Variants in EPHB1 observed in about 807,000 individuals in gnomAD.
EPHB1 encodes EPH receptor B1, also known as ephrin type-B receptor 1.
In EPHB1, 30 loss-of-function variants were observed where a neutral mutation model predicts 94.4. That is an observed-to-expected ratio of 0.32 (90% CI 0.24 to 0.43). The LOEUF is 0.43. Ranked by LOEUF, EPHB1 falls within the 20% of genes least tolerant of loss-of-function variation. EPHB1 has a pLI of 1.00. For missense variants in EPHB1, 1,055 were observed against 1,308.3 expected, an observed-to-expected ratio of 0.81 and a Z score of 2.99; for synonymous variants, 522 against 489.1, an observed-to-expected ratio of 1.07 and a Z score of -0.89.
At chr3:134,995,895 T>C (rs1367978240) in intron 3 of EPHB1, among the ~76,000 whole-genome samples, 1 of 152,234 alleles carries the variant, frequency 6.6e-6, no homozygotes, top group Admixed American at 6.5e-5. Flanking sequence ...CTATCTCCTA[T>C]AATACTGCTA....
intron 3 of EPHB1, among the ~76,000 whole-genome samples, chr3:135,016,811 C>T (rs1483267723): frequency 6.6e-6 from 1 of 152,180 alleles, no homozygotes; most frequent in Non-Finnish European, 1.5e-5. Flanking sequence ...GCATTGCTTC[C>T]ATCCCATCCA....
intron 1 of EPHB1, among the ~76,000 whole-genome samples, chr3:134,803,761 G>A (rs902676392): frequency 6.6e-5 from 10 of 152,152 alleles, no homozygotes; most frequent in Admixed American, 6.5e-4. Flanking sequence ...AAACTCCCTG[G>A]GCCTCTGTCT....
At position 134,928,939 on chromosome 3, in the gene EPHB1, G is replaced by T. The variant is rs147259100; in HGVS notation, c.123+3059G>T. On this transcript the variant is annotated intron_variant, in intron 2 of 15. Coordinates refer to ENST00000398015, the MANE Select transcript of EPHB1 (RefSeq NM_004441.5). ...ACAAAAGTGGCAAATGCTTCTGCGT[G>T]TTAAACATTTCCACTGGGTTTAGCT... Among the ~76,000 whole-genome samples the T allele has an allele frequency of 1.5e-3, 230 of 152,220 alleles. 2 individuals carry two copies. Among genetic ancestry groups the T allele is most frequent in the Admixed American group, 0.01 (159 of 15,290 alleles).
intron 6 of EPHB1, among the ~76,000 whole-genome samples, chr3:135,156,296 A>G (rs2107696000): frequency 6.6e-6 from 1 of 152,232 alleles, no homozygotes; most frequent in South Asian, 2.1e-4. Context: ...GTCAGTATGT[A>G]GATGATAAGA....
intron 3 of EPHB1, among the ~76,000 whole-genome samples, chr3:135,046,736 C>A (rs1937010707): frequency 6.6e-6 from 1 of 152,136 alleles, no homozygotes; most frequent in African/African-American, 2.4e-5. Context: ...TCTGATGTCC[C>A]CTAAAGTTTG....
At chr3:135,124,778 G>A (rs1940131654) in intron 4 of EPHB1, among the ~76,000 whole-genome samples, 1 of 151,586 alleles carries the variant, frequency 6.6e-6, no homozygotes, top group South Asian at 2.1e-4. Context: ...TGCTCACATG[G>A]CTGTTAGAAA....
chr3:134,924,469 A>T (rs1038369537), intron 1 of EPHB1, among the ~76,000 whole-genome samples: 1 of 152,252 alleles, frequency 6.6e-6, no homozygotes, highest in Non-Finnish European at 1.5e-5. Context: ...TGGATGACAA[A>T]TAAGTATGTG....
rs567341603 is a variant in EPHB1, at chr3:134,804,582, C to T, written c.58+8893C>T. The stretch of plus-strand genomic sequence containing the variant: ...GTGGGGGGGAGGAATCAGGGCACAG[C>T]GCAGGTCTTCTGGTACTCCCTTCAT... On this transcript the variant is annotated intron_variant, in intron 1 of 15. Transcript: ENST00000398015. Among the ~76,000 whole-genome samples, 11 of 152,178 alleles carry T rather than the reference C, an allele frequency of 7.2e-5. No homozygotes were observed. In the East Asian group the frequency reaches 9.7e-4, roughly 13 times the overall value.
At chr3:134,814,306 G>A (rs1163810704) in intron 1 of EPHB1, among the ~76,000 whole-genome samples, 1 of 152,164 alleles carries the variant, frequency 6.6e-6, no homozygotes, top group Non-Finnish European at 1.5e-5. Flanking sequence ...GGATAAGCTG[G>A]GCCTTGAACA....
At position 134,795,453 on chromosome 3, in the gene EPHB1, C is replaced by T; in HGVS notation, c.-179C>T. 3 of 593,248 alleles carry T rather than the reference C, an allele frequency of 5.1e-6. No individual in the cohort carries two copies. In the South Asian group the frequency reaches 6.3e-5, roughly 12 times the overall value. The allele number at this position is 593,248 out of a possible 1,614,324, so 36.7% of individuals were successfully genotyped here. A position where few individuals can be genotyped will look rare whatever the true frequency, so the allele number is the denominator to read the frequency against. On this transcript the variant is annotated 5_prime_UTR_variant, in exon 1 of 16. Transcript: ENST00000398015. ...CCCACACCCACGCGCGCCCGCACCG[C>T]CCCACGCGCACACACTCCTGCCCAC... is the stretch of plus-strand genomic sequence containing the variant.
intron 3 of EPHB1, among the ~76,000 whole-genome samples, chr3:134,958,712 C>T (rs1045876711): frequency 1.3e-5 from 2 of 152,144 alleles, no homozygotes; most frequent in Non-Finnish European, 2.9e-5. Context: ...CCCATGGCGG[C>T]CCTACCCAGC....
At chr3:135,154,099 TC>T in intron 5 of EPHB1, 52 bp from the exon 6 acceptor site, 2 of 1,608,794 alleles carry the variant, frequency 1.2e-6, no homozygotes, top group Non-Finnish European at 1.7e-6. Context: ...AGATGGCCCT[TC>T]CCCTATAATT....
intron 12 of EPHB1, among the ~76,000 whole-genome samples, chr3:135,209,635 C>T (rs923755672): frequency 6.6e-6 from 1 of 152,110 alleles, no homozygotes; most frequent in African/African-American, 2.4e-5. Context: ...GATTGAGGGG[C>T]ATGATACTGG....
At position 134,812,989 on chromosome 3, in the gene EPHB1, G is replaced by A. The variant is rs544701936; in HGVS notation, c.58+17300G>A. The stretch of plus-strand genomic sequence containing the variant: ...TGGACGGTTGTCTGGAGGTGACAGA[G>A]TGACCCCACTCACACTATTTCCAGA... On this transcript the variant is annotated intron_variant, in intron 1 of 15. Coordinates refer to ENST00000398015, the MANE Select transcript of EPHB1 (RefSeq NM_004441.5). Among the ~76,000 whole-genome samples the A allele has an allele frequency of 7.2e-5, 11 of 152,290 alleles. 1 individual carries two copies. In the East Asian group the frequency reaches 2.1e-3, roughly 29 times the overall value.
intron 3 of EPHB1, among the ~76,000 whole-genome samples, chr3:135,021,103 G>A (rs192795611): frequency 6.6e-6 from 1 of 152,052 alleles, no homozygotes; most frequent in Admixed American, 6.6e-5. Context: ...GCTACATCCT[G>A]GTTAGACAAG....
chr3:135,248,617 G>A (rs1943986228), intron 14 of EPHB1, 108 bp downstream of exon 14: 2 of 1,144,066 alleles, frequency 1.7e-6, no homozygotes, highest in Non-Finnish European at 2.4e-6. Flanking sequence ...AGAGTATCTA[G>A]TTGCAGTGTG....
At chr3:134,995,847 T>C (rs1934970510) in intron 3 of EPHB1, among the ~76,000 whole-genome samples, 1 of 152,242 alleles carries the variant, frequency 6.6e-6, no homozygotes, top group Non-Finnish European at 1.5e-5. Flanking sequence ...TAATTCATAT[T>C]CATGGTAGAA....
chr3:135,257,808 C>A (rs1225881950), intron 15 of EPHB1, among the ~76,000 whole-genome samples: 1 of 152,078 alleles, frequency 6.6e-6, no homozygotes, highest in Non-Finnish European at 1.5e-5. Context: ...GCCCCTCCCC[C>A]AGCCTGGCTG....
At chr3:135,141,231 C>T (rs1424094211) in intron 5 of EPHB1, among the ~76,000 whole-genome samples, 2 of 150,758 alleles carry the variant, frequency 1.3e-5, no homozygotes, top group Non-Finnish European at 2.9e-5. Flanking sequence ...ACAGCCCAGT[C>T]ATGCCCCCTA....
Sources: allele counts gnomAD v4.1 joint callset (sites outside exome capture counted in the v4.1 genomes callset), GRCh38; gene constraint gnomAD v4.1.1; transcripts MANE v1.5; gene names NCBI Gene and HGNC (gene_info 2026-07-23, HGNC 2026-07-21).